Variants in IFT52 observed in about 807,000 individuals in gnomAD.
IFT52 encodes the protein intraflagellar transport 52.
Under a neutral mutation model 54.4 loss-of-function variants are expected in IFT52, and 44 were observed. The observed-to-expected ratio is 0.81, with a 90% CI of 0.63 to 1.04. The LOEUF (loss-of-function observed/expected upper bound fraction) is 1.04, where lower values mean the gene tolerates loss of function less well. Ranked by LOEUF, IFT52 falls within the 50% of genes least tolerant of loss-of-function variation. The probability of loss-of-function intolerance (pLI) is 0.00; values close to 1 mark genes in which losing one functional copy is unlikely to be tolerated. For missense variants in IFT52, 452 were observed against 523.6 expected, an observed-to-expected ratio of 0.86 and a Z score of 1.33; for synonymous variants, 181 against 185.3, an observed-to-expected ratio of 0.98 and a Z score of 0.19.
intron 3 of IFT52, among the ~76,000 whole-genome samples, chr20:43,603,153 A>G (rs1198768390): frequency 1.3e-5 from 2 of 152,122 alleles, no homozygotes; most frequent in Admixed American, 6.6e-5. Context: ...GATCAACCCT[A>G]GATTTTTCTC....
chr20:43,621,103 A>G lies in IFT52; in HGVS notation c.768+178A>G, dbSNP rs562928780. The stretch of plus-strand genomic sequence containing the variant: ...TGTAAAAAATAAGTCAATAAACAAT[A>G]TATGTAATTAATCATAGAATTAATT... On this transcript the variant is annotated intron_variant, in intron 9 of 13. Coordinates refer to ENST00000373030, the MANE Select transcript of IFT52 (RefSeq NM_016004.5). 3.7e-5 allele frequency: 18 copies of G among 491,598 alleles called. 1 individual carries two copies. In the South Asian group the frequency reaches 7.6e-4, roughly 21 times the overall value. The allele number at this position is 491,598 out of a possible 1,614,324, so 30.5% of individuals were successfully genotyped here.
At chr20:43,622,626 A>G (rs572118310) in intron 9 of IFT52, among the ~76,000 whole-genome samples, 78 of 147,810 alleles carry the variant, frequency 5.3e-4, no homozygotes, top group South Asian at 4.0e-3. Context: ...TTTTATACAT[A>G]TATATATTCT....
chr20:43,618,014 G>T (rs538401755), intron 7 of IFT52, among the ~76,000 whole-genome samples: 1 of 152,236 alleles, frequency 6.6e-6, no homozygotes, highest in African/African-American at 2.4e-5. Flanking sequence ...CTCCCAAAGT[G>T]CTGGGATTAC....
At chr20:43,601,917 A>G (rs72626516) in intron 3 of IFT52, among the ~76,000 whole-genome samples, 4,591 of 152,266 alleles carry the variant, frequency 0.03, 94 homozygotes, top group Middle Eastern at 0.099. Context: ...ATGTTTACTA[A>G]GGATCTGTTA....
At position 43,642,524 on chromosome 20, in the gene IFT52, T is replaced by C. The variant is rs1985983515; in HGVS notation, c.1166T>C (p.Ile389Thr). 6.2e-7 allele frequency: 1 copy of C among 1,613,982 alleles called. No homozygotes were observed. Among genetic ancestry groups the C allele is most frequent in the Admixed American group, 1.7e-5 (1 of 59,984 alleles). ...TTTTATGTCAGGAAGTGTGGTGATA[T>C]TCTTGGAGTAACCAGTAAACTACCA... ...LEFYVRKCGD[I>T]LGVTSKLPKD... The change falls in exon 13 of 14, where the codon ATT (isoleucine) becomes ACT (threonine). Residue 389 changes from isoleucine (I) to threonine (T), a missense_variant. Physicochemically the swap from Ile to Thr is moderately conservative, Grantham distance 89. Coordinates refer to ENST00000373030, the MANE Select transcript of IFT52 (RefSeq NM_016004.5).
At chr20:43,621,274 C>G (rs1052658899) in intron 9 of IFT52, among the ~76,000 whole-genome samples, 10 of 152,054 alleles carry the variant, frequency 6.6e-5, no homozygotes, top group Non-Finnish European at 1.3e-4. Context: ...CAAAGAGTAT[C>G]AGAATTTATG....
intron 3 of IFT52, 139 bp downstream of exon 3, chr20:43,596,661 T>C: frequency 1.5e-6 from 1 of 649,954 alleles, no homozygotes; most frequent in South Asian, 1.9e-5. Context: ...ATCATGGAGT[T>C]GTGATGATTA....
At chr20:43,603,946 TC>T (rs1982655065) in intron 4 of IFT52, 57 bp downstream of exon 4, 2 of 1,251,980 alleles carry the variant, frequency 1.6e-6, no homozygotes, top group South Asian at 1.3e-5. Flanking sequence ...TTATTTGATA[TC>T]ATAGCCCTCT....
chr20:43,600,709 TC>T (rs1306101881), intron 3 of IFT52, among the ~76,000 whole-genome samples: 1 of 152,144 alleles, frequency 6.6e-6, no homozygotes, highest in Non-Finnish European at 1.5e-5. Context: ...AGTAGCTTAC[TC>T]CTGTAATCCC....
At chr20:43,594,638 T>C (rs1981786015) in intron 1 of IFT52, 55 bp from the exon 2 acceptor site, 1 of 966,170 alleles carries the variant, frequency 1.0e-6, no homozygotes, top group East Asian at 2.4e-5. Flanking sequence ...TTATTACTTT[T>C]AGGGTCTTTG....
At chr20:43,596,369 C>G in intron 2 of IFT52, 66 bp from the exon 3 acceptor site, 2 of 1,059,096 alleles carry the variant, frequency 1.9e-6, no homozygotes, top group Non-Finnish European at 2.9e-6. Flanking sequence ...AGTTAAGAGA[C>G]TAAAATAATA....
intron 1 of IFT52, among the ~76,000 whole-genome samples, chr20:43,592,050 G>T (rs923062962): frequency 5.9e-5 from 9 of 152,128 alleles, no homozygotes; most frequent in Non-Finnish European, 1.3e-4. Flanking sequence ...AGCTTTTTTA[G>T]CAATTTAGAA....
chr20:43,602,839 G>A (rs1033672154), intron 3 of IFT52, among the ~76,000 whole-genome samples: 3 of 152,132 alleles, frequency 2.0e-5, no homozygotes, highest in Admixed American at 6.6e-5. Flanking sequence ...ATACAAGAGC[G>A]AGAGGGCCGT....
intron 12 of IFT52, among the ~76,000 whole-genome samples, chr20:43,639,236 C>CAAAA (rs1226726402): frequency 1.5e-5 from 2 of 133,416 alleles, no homozygotes; most frequent in African/African-American, 2.8e-5. Flanking sequence ...CCCATCTCTA[C>CAAAA]AAAAAAAAAA....
chr20:43,613,795 G>A, intron 6 of IFT52, 55 bp from the exon 7 acceptor site: 1 of 1,535,872 alleles, frequency 6.5e-7, no homozygotes, highest in Non-Finnish European at 9.0e-7. Context: ...ATTATTTTCA[G>A]AATTTTTGTA....
chr20:43,642,752 A>G, intron 13 of IFT52, 128 bp downstream of exon 13: 3 of 833,974 alleles, frequency 3.6e-6, no homozygotes, highest in Non-Finnish European at 5.6e-6. Context: ...TACTAGGTGA[A>G]CAAAACAGAC....
At chr20:43,623,859 T>C in intron 9 of IFT52, 32 bp from the exon 10 acceptor site, 4 of 1,607,644 alleles carry the variant, frequency 2.5e-6, no homozygotes, top group Non-Finnish European at 2.5e-6. Flanking sequence ...TTGCTCTTGC[T>C]GTGCTAAAAG....
rs1982773252 is a variant in IFT52 at position 43,605,288 on chromosome 20, G to A, written c.485+215G>A. On this transcript the variant is annotated intron_variant, in intron 6 of 13. Transcript: ENST00000373030. Reference sequence around the variant, plus strand: ...AGGCCCAGCATGGTGGCTCACGCCTGTAATCCTAGCACTTTTGGGAGGCCG... The same window carrying A: ...AGGCCCAGCATGGTGGCTCACGCCTATAATCCTAGCACTTTTGGGAGGCCG... 7 of 1,237,320 alleles carry A rather than the reference G, an allele frequency of 5.7e-6. No individual in the cohort carries two copies. The Middle Eastern group carries it at 9.8e-4, about 173-fold the overall frequency. 76.6% of individuals were successfully genotyped at this position (1,237,320 alleles called of 1,614,324 possible).
At chr20:43,608,633 C>T (rs991777126) in intron 6 of IFT52, among the ~76,000 whole-genome samples, 4 of 152,102 alleles carry the variant, frequency 2.6e-5, no homozygotes, top group East Asian at 1.9e-4. Flanking sequence ...GTCCGGGTAC[C>T]GTGGCTCACC....
Sources: gnomAD v4.1 joint callset for allele counts (sites outside exome capture counted in the v4.1 genomes callset) on GRCh38, gnomAD v4.1.1 for gene constraint, MANE v1.5 for transcripts, NCBI Gene and HGNC (gene_info 2026-07-23, HGNC 2026-07-21) for gene names.